Variants in ABHD6 observed in about 807,000 individuals in gnomAD.
ABHD6 encodes monoacylglycerol lipase ABHD6.
A neutral mutation model predicts 38.8 loss-of-function variants in ABHD6; 33 were observed. That is an observed-to-expected ratio of 0.85 (90% CI 0.64 to 1.14). The LOEUF (loss-of-function observed/expected upper bound fraction) is 1.14, where lower values mean the gene tolerates loss of function less well. Ranked by LOEUF, ABHD6 falls within the 50% of genes most tolerant of loss-of-function variation. The probability of loss-of-function intolerance (pLI) is 0.00; values close to 1 mark genes in which losing one functional copy is unlikely to be tolerated. For synonymous variants in ABHD6, 147 were observed against 161.6 expected, an observed-to-expected ratio of 0.91 and a Z score of 0.69; for missense variants, 380 against 422.6, an observed-to-expected ratio of 0.90 and a Z score of 0.88.
At position 58,274,746 on chromosome 3, in the gene ABHD6, G is replaced by A. The variant is rs557452923; in HGVS notation, c.612G>A (p.Pro204=). 513 of 1,614,186 alleles carry A rather than the reference G, an allele frequency of 3.2e-4. No homozygotes were observed. The highest frequency in any genetic ancestry group is 3.9e-4 in the Non-Finnish European group (460 of 1,180,026). The change falls in exon 7 of 10, where the codon CCG becomes CCA. Residue 204 remains proline (P), a synonymous_variant. Transcript: ENST00000478253. ...CCGTGGAGAAGATTCCCTTGATCCC[G>A]TCTACCCCAGAAGAGATGAGTGAAA... ...SAAVEKIPLI[P]STPEEMSEML...
chr3:58,252,361 A>G (rs2097430626), intron 2 of ABHD6, among the ~76,000 whole-genome samples: 1 of 149,738 alleles, frequency 6.7e-6, no homozygotes, highest in African/African-American at 2.5e-5. Context: ...CTACAGGCGC[A>G]TGCCACCATG....
At chr3:58,282,513 T>C (rs2097454101) in intron 7 of ABHD6, among the ~76,000 whole-genome samples, 1 of 152,040 alleles carries the variant, frequency 6.6e-6, no homozygotes, top group African/African-American at 2.4e-5. Context: ...GGGTGGATTG[T>C]GTAAATGCAG....
In ABHD6 at chr3:58,273,761, A is replaced by G. The variant is rs1048863119; in HGVS notation, c.524-897A>G. Among the ~76,000 whole-genome samples, 5 of 152,128 alleles carry G rather than the reference A, an allele frequency of 3.3e-5. No individual in the cohort carries two copies. Among genetic ancestry groups the G allele is most frequent in the Non-Finnish European group, 7.4e-5 (5 of 68,016 alleles). On this transcript the variant is annotated intron_variant, in intron 6 of 9. Transcript: ENST00000478253. This position sits in a 1 kb window ranked among gnomAD's most constrained non-coding sequence, Gnocchi z 4.8. ...CACAGGGAGGGAGAGCATTAGGACA[A>G]ATGCCGAATGCATGAGGGACTTAAA... is the stretch of plus-strand genomic sequence containing the variant.
At chr3:58,275,371 C>T (rs546164580) in intron 7 of ABHD6, among the ~76,000 whole-genome samples, 121 of 144,032 alleles carry the variant, frequency 8.4e-4, no homozygotes, top group African/African-American at 3.1e-3. Flanking sequence ...ACTCTGTCAC[C>T]TAGGCTGGAG....
At chr3:58,290,154 G>A (rs2097460938) in intron 9 of ABHD6, among the ~76,000 whole-genome samples, 1 of 115,862 alleles carries the variant, frequency 8.6e-6, no homozygotes, top group Non-Finnish European at 1.8e-5. Flanking sequence ...CGGGGCGGCT[G>A]GCCGGGCGGG....
At chr3:58,270,788 A>G in intron 5 of ABHD6, 144 bp from the exon 6 acceptor site, 1 of 829,650 alleles carries the variant, frequency 1.2e-6, no homozygotes, top group Non-Finnish European at 1.8e-6. Context: ...CTCATCTTAT[A>G]ATGGATCCAG....
intron 1 of ABHD6, among the ~76,000 whole-genome samples, chr3:58,244,496 T>C (rs1481532415): frequency 6.6e-6 from 1 of 152,142 alleles, no homozygotes; most frequent in East Asian, 1.9e-4. Context: ...GGGCTGAGCA[T>C]GGTGGCTCGT....
chr3:58,258,034 G>A (rs1265782863), intron 3 of ABHD6, among the ~76,000 whole-genome samples: 5 of 152,104 alleles, frequency 3.3e-5, no homozygotes, highest in Admixed American at 2.0e-4. Flanking sequence ...AGTGCCTGGC[G>A]CAGTGGCTCA....
intron 6 of ABHD6, among the ~76,000 whole-genome samples, chr3:58,271,620 A>G (rs1436352281): frequency 1.3e-5 from 2 of 152,028 alleles, no homozygotes; most frequent in African/African-American, 2.4e-5. Flanking sequence ...ACATATGTCA[A>G]CGTGAAGTGT....
intron 9 of ABHD6, among the ~76,000 whole-genome samples, chr3:58,288,662 C>A (rs2097459257): frequency 6.6e-6 from 1 of 152,112 alleles, no homozygotes; most frequent in African/African-American, 2.4e-5. Context: ...TATTGAGCAC[C>A]TAGTATGTGC....
intron 1 of ABHD6, among the ~76,000 whole-genome samples, chr3:58,246,716 A>G (rs2097426649): frequency 6.6e-6 from 1 of 152,172 alleles, no homozygotes; most frequent in Non-Finnish European, 1.5e-5. Flanking sequence ...AGGAGATAAG[A>G]ATTTGTGGTT....
rs1191932316 is a variant in ABHD6 at position 58,266,962 on chromosome 3, A to G, written c.120-227A>G. On this transcript the variant is annotated intron_variant, in intron 3 of 9. Transcript: ENST00000478253. This position sits in a 1 kb window ranked among gnomAD's most constrained non-coding sequence, Gnocchi z 4.0. ...ATTTCCCTTCCTAGAGTGATTAGTA[A>G]AATATATACCAAAATAGTTCATTTA... Among the ~76,000 whole-genome samples the G allele has an allele frequency of 1.3e-5, 2 of 152,214 alleles. No individual in the cohort carries two copies. The highest frequency in any genetic ancestry group is 3.8e-4 in the East Asian group (2 of 5,198).
intron 9 of ABHD6, among the ~76,000 whole-genome samples, chr3:58,290,935 T>C (rs2097462203): frequency 6.7e-6 from 1 of 149,496 alleles, no homozygotes; most frequent in Admixed American, 6.6e-5. Flanking sequence ...TCCCAGACGA[T>C]GGGCGGCCAG....
Position 58,263,361 on chromosome 3 carries a change from G to T in ABHD6, c.120-3828G>T, listed in dbSNP as rs991464240. ...ACTGAGATTGCGCCACTGCACTCCA[G>T]CCTAGGCAACGAGAGTGAAACTCCA... On this transcript the variant is annotated intron_variant, in intron 3 of 9. Coordinates refer to ENST00000478253, the MANE Select transcript of ABHD6 (RefSeq NM_001320126.2). The surrounding 1 kb of genome is among the most constrained non-coding windows in gnomAD (Gnocchi z 4.9). 1.3e-5 allele frequency among the ~76,000 whole-genome samples: 2 copies of T among 150,894 alleles called. No individual in the cohort carries two copies. Among genetic ancestry groups the T allele is most frequent in the African/African-American group, 4.9e-5 (2 of 41,010 alleles).
chr3:58,255,533 T>C (rs145383513), intron 2 of ABHD6, among the ~76,000 whole-genome samples: 2 of 152,048 alleles, frequency 1.3e-5, no homozygotes, highest in Admixed American at 6.5e-5. Flanking sequence ...AATCATAGCT[T>C]ACTACAGCTT....
chr3:58,242,079 G>A lies in ABHD6; in HGVS notation c.-91+4163G>A, dbSNP rs543156713. On this transcript the variant is annotated intron_variant, in intron 1 of 9. Transcript: ENST00000478253. ...AGACTTTTAGGATGGGCTGGAGCTC[G>A]CCAGGCGAGAGGGAGAATAGGCGTG... Among the ~76,000 whole-genome samples, 5 of 152,272 alleles carry A rather than the reference G, an allele frequency of 3.3e-5. No homozygotes were observed. The South Asian group carries it at 6.2e-4, about 19-fold the overall frequency.
In ABHD6 at chr3:58,274,796, G is replaced by C; in HGVS notation, c.662G>C (p.Arg221Pro). ...SEMLQLCSYV[R>P]FKVPQQILQG... is the part of the protein sequence containing the mutation. ...ATGCTTCAGCTCTGCTCCTATGTCC[G>C]CTTCAAGGTGCCCCAGCAGGTAACG... The change falls in exon 7 of 10, where the codon CGC becomes CCC. Residue 221 changes from arginine to proline, a missense_variant. Arg to Pro is a moderately radical substitution (Grantham distance 103). Coordinates refer to ENST00000478253, the MANE Select transcript of ABHD6 (RefSeq NM_001320126.2). The C allele has an allele frequency of 6.2e-7, 1 of 1,613,586 alleles. No individual in the cohort carries two copies. The highest frequency in any genetic ancestry group is 1.7e-5 in the Admixed American group (1 of 59,890).
rs367843322 is a variant in ABHD6, at chr3:58,293,688, C to T, written c.937C>T (p.Pro313Ser). The T allele has an allele frequency of 1.9e-6, 3 of 1,614,106 alleles. No homozygotes were observed. The African/African-American group carries it at 4.0e-5, about 22-fold the overall frequency. ...TGGGCACTCAGTAGTGATGGAAAGA[C>T]CCAGGAAGACAGCCAAGCTCATAAT... ...NCGHSVVMER[P>S]RKTAKLIIDF... is the part of the protein sequence containing the mutation. Residue 313 changes from proline to serine, a missense_variant, in exon 10 of 10, where the codon CCC (proline) becomes TCC (serine). Coordinates refer to ENST00000478253, the MANE Select transcript of ABHD6 (RefSeq NM_001320126.2). The surrounding 1 kb of genome is among the most constrained non-coding windows in gnomAD (Gnocchi z 4.4).
intron 1 of ABHD6, among the ~76,000 whole-genome samples, chr3:58,240,807 C>T (rs1400730222): frequency 6.6e-6 from 1 of 151,104 alleles, no homozygotes. Flanking sequence ...CTCGGCTCAC[C>T]GCAACCTCCG....
Sources: allele counts gnomAD v4.1 joint callset (sites outside exome capture counted in the v4.1 genomes callset), GRCh38; gene constraint gnomAD v4.1.1; non-coding constraint Gnocchi (gnomAD v3.1); transcripts MANE v1.5; gene names NCBI Gene and HGNC (gene_info 2026-07-23, HGNC 2026-07-21).